FARP1: variants seen among roughly 807,000 people sequenced by gnomAD.
FARP1 encodes FERM, ARHGEF and pleckstrin domain-containing protein 1.
Under a neutral mutation model 128.8 loss-of-function variants are expected in FARP1, and 52 were observed. That is an observed-to-expected ratio of 0.40 (90% CI 0.32 to 0.51). FARP1 has a LOEUF of 0.51. Among genes scored for constraint, FARP1 ranks in the 20% least tolerant of loss-of-function variants. FARP1 has a pLI of 0.45. For missense variants in FARP1, 1,333 were observed against 1,367.9 expected (o/e 0.97, Z 0.40); for synonymous variants, 580 against 551.8 (o/e 1.05, Z -0.72).
At chr13:98,283,053 CAT>C (rs1262668800) in intron 2 of FARP1, among the ~76,000 whole-genome samples, 3 of 152,074 alleles carry the variant, frequency 2.0e-5, no homozygotes, top group Middle Eastern at 3.2e-3. Context: ...TCAGTATGCA[CAT>C]GTTATTATGC....
chr13:98,301,367 TGC>T (rs1271590728), intron 2 of FARP1, among the ~76,000 whole-genome samples: 10 of 152,224 alleles, frequency 6.6e-5, no homozygotes, highest in Admixed American at 3.9e-4. Flanking sequence ...CAGACAGGTC[TGC>T]TTGGCAGAAA....
intron 1 of FARP1, among the ~76,000 whole-genome samples, chr13:98,148,636 C>T (rs1308191071): frequency 1.3e-5 from 2 of 152,202 alleles, no homozygotes; most frequent in African/African-American, 2.4e-5. Context: ...GACACATCTT[C>T]TAGAAATTCT....
chr13:98,184,724 A>G (rs1407847807), intron 1 of FARP1, among the ~76,000 whole-genome samples: 1 of 152,202 alleles, frequency 6.6e-6, no homozygotes, highest in East Asian at 1.9e-4. Context: ...CAGTGATCCT[A>G]TGCTCTAAGA....
At chr13:98,295,330 G>A (rs1418870780) in intron 2 of FARP1, among the ~76,000 whole-genome samples, 1 of 152,114 alleles carries the variant, frequency 6.6e-6, no homozygotes, top group Non-Finnish European at 1.5e-5. Flanking sequence ...GGAGCCCTGG[G>A]CAGGCAATGC....
intron 1 of FARP1, among the ~76,000 whole-genome samples, chr13:98,168,269 C>T (rs1170884337): frequency 6.6e-6 from 1 of 152,146 alleles, no homozygotes; most frequent in African/African-American, 2.4e-5. Flanking sequence ...GCATCATAAG[C>T]TTTGTGGCTC....
intron 15 of FARP1, among the ~76,000 whole-genome samples, chr13:98,411,137 A>G (rs1891175731): frequency 1.3e-5 from 2 of 152,200 alleles, no homozygotes; most frequent in African/African-American, 4.8e-5. Context: ...GCCAAGTATA[A>G]CTGCTGATTT....
At chr13:98,185,804 T>G (rs912395932) in intron 1 of FARP1, among the ~76,000 whole-genome samples, 1 of 151,976 alleles carries the variant, frequency 6.6e-6, no homozygotes, top group African/African-American at 2.4e-5. Flanking sequence ...TTCAAGCAGT[T>G]TTCCTGCCTC....
At chr13:98,421,118 G>C (rs1418826968) in intron 16 of FARP1, among the ~76,000 whole-genome samples, 1 of 152,174 alleles carries the variant, frequency 6.6e-6, no homozygotes, top group Non-Finnish European at 1.5e-5. Flanking sequence ...TTACAATTAG[G>C]GATTTGCATC....
At chr13:98,240,241 A>G (rs1050366057) in intron 2 of FARP1, among the ~76,000 whole-genome samples, 1 of 152,198 alleles carries the variant, frequency 6.6e-6, no homozygotes, top group Non-Finnish European at 1.5e-5. Context: ...TGGAAAAGGA[A>G]CACGCGATGA....
chr13:98,409,403 G>A lies in FARP1; in HGVS notation c.1480G>A (p.Ala494Thr), dbSNP rs1175470363. Reference sequence around the variant, plus strand: ...GAACTCGCAGGGGGGAGTGGCCCCTGCCAACGTGACCTTGTCTCCCAACCT... The same window carrying A: ...GAACTCGCAGGGGGGAGTGGCCCCTACCAACGTGACCTTGTCTCCCAACCT... ...SVNSQGGVAP[A>T]NVTLSPNLSP... The change falls in exon 14 of 27, where the codon GCC (alanine) becomes ACC (threonine). Residue 494 changes from alanine (A) to threonine (T), a missense_variant. Physicochemically the swap from Ala to Thr is moderately conservative, Grantham distance 58. Transcript: ENST00000319562. 1 of 1,613,892 alleles carries A rather than the reference G, an allele frequency of 6.2e-7. No homozygotes were observed. Among genetic ancestry groups the A allele is most frequent in the Non-Finnish European group, 8.5e-7 (1 of 1,179,988 alleles).
intron 1 of FARP1, among the ~76,000 whole-genome samples, chr13:98,175,387 A>C (rs536477286): frequency 1.7e-4 from 26 of 149,062 alleles, no homozygotes; most frequent in Middle Eastern, 3.5e-3. Context: ...TCTTCTGTCA[A>C]CTCCTCCCCT....
At chr13:98,273,924 G>A (rs997919134) in intron 2 of FARP1, among the ~76,000 whole-genome samples, 4 of 152,044 alleles carry the variant, frequency 2.6e-5, no homozygotes, top group African/African-American at 7.3e-5. Context: ...GAATGATGGC[G>A]GTCAATGACA....
At chr13:98,143,837 A>T (rs1447758005) in intron 1 of FARP1, among the ~76,000 whole-genome samples, 1 of 149,798 alleles carries the variant, frequency 6.7e-6, no homozygotes, top group African/African-American at 2.5e-5. Flanking sequence ...CTTCCGTCCT[A>T]CCCGCCCGCT....
intron 1 of FARP1, among the ~76,000 whole-genome samples, chr13:98,153,297 A>AAT (rs375607675): frequency 0.46 from 52,466 of 114,720 alleles, 11,910 homozygotes; most frequent in Middle Eastern, 0.61. Flanking sequence ...AATATATATA[A>AAT]ATATATTTAT....
intron 13 of FARP1, chr13:98,396,139 C>T (rs1310436221): frequency 1.3e-5 from 5 of 399,082 alleles, no homozygotes; most frequent in Non-Finnish European, 2.2e-5. Context: ...GCTTGGTGGC[C>T]GTGGGAAGTG....
At chr13:98,426,069 C>A (rs1891775013) in intron 17 of FARP1, among the ~76,000 whole-genome samples, 1 of 152,218 alleles carries the variant, frequency 6.6e-6, no homozygotes, top group South Asian at 2.1e-4. Flanking sequence ...ACCTGTCCAT[C>A]CACCCAGTGC....
chr13:98,437,744 T>C (rs1296554519), intron 19 of FARP1: 1 of 1,201,800 alleles, frequency 8.3e-7, no homozygotes, highest in Non-Finnish European at 1.2e-6. Flanking sequence ...TTTGTCTTTT[T>C]GCTTTCTCTC....
intron 2 of FARP1, among the ~76,000 whole-genome samples, chr13:98,274,060 CT>C (rs1884514774): frequency 6.6e-6 from 1 of 152,132 alleles, no homozygotes; most frequent in Non-Finnish European, 1.5e-5. Context: ...AGGGGACAGA[CT>C]TTTCAGGGCA....
chr13:98,449,877 C>G lies in FARP1; in HGVS notation c.*1560C>G, dbSNP rs2139205380. 6.6e-6 allele frequency: 1 copy of G among 152,460 alleles called. No individual in the cohort carries two copies. Among genetic ancestry groups the G allele is most frequent in the South Asian group, 2.1e-4 (1 of 4,804 alleles). 9.4% of individuals were successfully genotyped at this position (152,460 alleles called of 1,614,324 possible). The stretch of plus-strand genomic sequence containing the variant: ...GTGTTCAGAGTGACACAGGGAGGGC[C>G]TGCCCCCCACTGTTCCCTATGCTCC... On this transcript the variant is annotated 3_prime_UTR_variant, in exon 27 of 27. Transcript: ENST00000319562.
Sources: allele counts gnomAD v4.1 joint callset (sites outside exome capture counted in the v4.1 genomes callset), GRCh38; gene constraint gnomAD v4.1.1; transcripts MANE v1.5; gene names NCBI Gene and HGNC (gene_info 2026-07-23, HGNC 2026-07-21).